Variants in ILKAP observed in about 807,000 individuals in gnomAD.
ILKAP encodes the protein ILK associated serine/threonine phosphatase.
Under a neutral mutation model 49.1 loss-of-function variants are expected in ILKAP, and 11 were observed. The observed-to-expected ratio is 0.22, with a 90% CI of 0.14 to 0.37. The LOEUF is 0.37. ILKAP is among the 10% of genes least tolerant of loss of function. ILKAP has a pLI of 1.00. For synonymous variants in ILKAP, 186 were observed against 192.8 expected, an observed-to-expected ratio of 0.96 and a Z score of 0.29; for missense variants, 363 against 510.8, an observed-to-expected ratio of 0.71 and a Z score of 2.79.
chr2:238,171,546 C>G (rs1366106682), intron 10 of ILKAP, among the ~76,000 whole-genome samples: 1 of 152,198 alleles, frequency 6.6e-6, no homozygotes, highest in African/African-American at 2.4e-5. Flanking sequence ...TGTTATACAT[C>G]AAAACTGAGA....
At chr2:238,176,135 C>CTTTTTTTTT (rs55849458) in intron 9 of ILKAP, among the ~76,000 whole-genome samples, 2 of 98,010 alleles carry the variant, frequency 2.0e-5, no homozygotes, top group Non-Finnish European at 3.7e-5. Flanking sequence ...CAAGTAGTGG[C>CTTTTTTTTT]TTTTTTTTTT....
intron 4 of ILKAP, 137 bp from the exon 5 acceptor site, chr2:238,188,394 C>T: frequency 3.0e-6 from 3 of 998,924 alleles, no homozygotes; most frequent in South Asian, 3.4e-5. Flanking sequence ...TAAGCAATAC[C>T]CCTTAAGGCA....
intron 5 of ILKAP, 117 bp downstream of exon 5, chr2:238,188,014 T>G (rs942173391): frequency 4.7e-5 from 54 of 1,160,096 alleles, no homozygotes; most frequent in Non-Finnish European, 6.6e-5. Flanking sequence ...GAATCACTGA[T>G]GTACAATCAA....
chr2:238,182,229 G>A (rs368040286), intron 8 of ILKAP, 43 bp from the exon 9 acceptor site: 188 of 1,607,528 alleles, frequency 1.2e-4, no homozygotes, highest in Middle Eastern at 1.7e-4. Flanking sequence ...TTCAGTGGGC[G>A]CAGCATCTAA....
chr2:238,188,971 C>T, intron 4 of ILKAP, among the ~76,000 whole-genome samples: 1 of 152,228 alleles, frequency 6.6e-6, no homozygotes, highest in East Asian at 1.9e-4. Context: ...CTGCCTGCAT[C>T]ATACAGCTTT....
chr2:238,202,702 T>C (rs1168038733), intron 1 of ILKAP, among the ~76,000 whole-genome samples: 2 of 151,996 alleles, frequency 1.3e-5, no homozygotes, highest in Non-Finnish European at 2.9e-5. Flanking sequence ...TATTCACGCG[T>C]TTTGACAGAT....
chr2:238,178,317 G>A (rs1162236172), intron 9 of ILKAP, among the ~76,000 whole-genome samples: 1 of 152,156 alleles, frequency 6.6e-6, no homozygotes, highest in East Asian at 1.9e-4. Flanking sequence ...GAGTGGCTGG[G>A]ACCACAGGCG....
At chr2:238,180,831 T>C (rs1416787285) in intron 9 of ILKAP, among the ~76,000 whole-genome samples, 2 of 152,234 alleles carry the variant, frequency 1.3e-5, no homozygotes, top group Non-Finnish European at 2.9e-5. Context: ...TATCCAATTA[T>C]TTTCAAGGAG....
Position 238,194,277 on chromosome 2 carries a change from G to A in ILKAP, c.176C>T (p.Ser59Leu). 1.2e-6 allele frequency: 2 copies of A among 1,613,832 alleles called. No individual in the cohort carries two copies. The highest frequency in any genetic ancestry group is 1.7e-6 in the Non-Finnish European group (2 of 1,179,792). The change falls in exon 3 of 12, where the codon TCA (serine) becomes TTA (leucine). Residue 59 changes from serine to leucine, a missense_variant and splice_region_variant. Physicochemically the swap from Ser to Leu is moderately radical, Grantham distance 145 (BLOSUM62 -2). Around this residue, in one of 3 missense-constraint regions of ILKAP, gnomAD observed 114 missense variants for 116.0 expected, o/e 0.98. Coordinates refer to ENST00000254654, the MANE Select transcript of ILKAP (RefSeq NM_030768.3). ...DDLPPASSGD[S>L]GSLATSISQM... ...CTTGGATTTTTCCTACCACTTACCT[G>A]AATCGCCACTGCTAGCGGGTGGGAG...
intron 1 of ILKAP, among the ~76,000 whole-genome samples, chr2:238,200,654 T>G (rs567768586): frequency 1.1e-4 from 16 of 152,286 alleles, no homozygotes; most frequent in African/African-American, 2.9e-4. Context: ...AAGCCTTGTC[T>G]CTACAAAACA....
intron 10 of ILKAP, among the ~76,000 whole-genome samples, chr2:238,172,043 T>TCTG (rs1011676030): frequency 6.6e-6 from 1 of 152,110 alleles, no homozygotes; most frequent in African/African-American, 2.4e-5. Flanking sequence ...TTCTTTGTTT[T>TCTG]TTGTTGCTGC....
chr2:238,189,089 C>A (rs935570239), intron 4 of ILKAP, among the ~76,000 whole-genome samples: 47 of 151,998 alleles, frequency 3.1e-4, no homozygotes, highest in Non-Finnish European at 6.6e-4. Context: ...GAAGCCGAGG[C>A]GGGCAGATCA....
Position 238,170,706 on chromosome 2 carries a change from G to T in ILKAP, c.1039-30C>A, listed in dbSNP as rs369223932. Reference sequence around the variant, plus strand: ...CAGATGAGAAAGGGAATGAGTGAATGGAGTGACCCCGCACCCTGTCACTTT... The same window carrying T: ...CAGATGAGAAAGGGAATGAGTGAATTGAGTGACCCCGCACCCTGTCACTTT... On this transcript the variant is annotated intron_variant, in intron 11 of 11. Coordinates refer to ENST00000254654, the MANE Select transcript of ILKAP (RefSeq NM_030768.3). 1.2e-5 allele frequency: 19 copies of T among 1,595,336 alleles called. No individual in the cohort carries two copies. The Admixed American group carries it at 2.2e-4, about 18-fold the overall frequency.
chr2:238,193,764 C>T (rs2106339493), intron 3 of ILKAP, among the ~76,000 whole-genome samples: 1 of 152,324 alleles, frequency 6.6e-6, no homozygotes, highest in Non-Finnish European at 1.5e-5. Context: ...CTCTCCTAAC[C>T]CTCACCTTCC....
In ILKAP at chr2:238,185,282, C is replaced by T. The variant is rs1156503008; in HGVS notation, c.431G>A (p.Arg144Gln). 1.3e-6 allele frequency: 2 copies of T among 1,599,816 alleles called. No individual in the cohort carries two copies. Among genetic ancestry groups the T allele is most frequent in the Non-Finnish European group, 1.7e-6 (2 of 1,167,426 alleles). The change falls in exon 6 of 12, where the codon CGG (arginine) becomes CAG (glutamine). Residue 144 changes from arginine to glutamine, a missense_variant. By Grantham distance (43) the Arg-to-Gln change is conservative (BLOSUM62 1). Coordinates refer to ENST00000254654, the MANE Select transcript of ILKAP (RefSeq NM_030768.3). ...ECRPPSSLIT[R>Q]VSYFAVFDGH... is the part of the protein sequence containing the mutation. ...ATCAAAAACAGCAAAATATGAAACC[C>T]GAGTACTGAAAGAACGAATTGAGAG...
At chr2:238,190,647 G>A (rs1694080834) in intron 3 of ILKAP, among the ~76,000 whole-genome samples, 1 of 152,150 alleles carries the variant, frequency 6.6e-6, no homozygotes, top group Non-Finnish European at 1.5e-5. Flanking sequence ...GTCAGGACAA[G>A]TAGGAAGAGC....
intron 4 of ILKAP, among the ~76,000 whole-genome samples, chr2:238,188,799 T>C (rs1694006154): frequency 6.6e-6 from 1 of 152,184 alleles, no homozygotes; most frequent in Admixed American, 6.5e-5. Flanking sequence ...CAGAGATCTA[T>C]TTACATTTAA....
chr2:238,190,575 TG>T (rs1384921238), intron 3 of ILKAP, among the ~76,000 whole-genome samples: 1 of 152,214 alleles, frequency 6.6e-6, no homozygotes, highest in Non-Finnish European at 1.5e-5. Flanking sequence ...CAGTCTCAGC[TG>T]TCTTCACCCG....
chr2:238,196,678 A>C (rs1269233042), intron 1 of ILKAP, among the ~76,000 whole-genome samples: 1 of 152,246 alleles, frequency 6.6e-6, no homozygotes, highest in Non-Finnish European at 1.5e-5. Context: ...TAAGGGAATG[A>C]AATTTCTCCC....
Sources: allele counts gnomAD v4.1 joint callset (sites outside exome capture counted in the v4.1 genomes callset), GRCh38; gene constraint gnomAD v4.1.1; regional missense constraint gnomAD v4.1.1; transcripts MANE v1.5; gene names NCBI Gene and HGNC (gene_info 2026-07-23, HGNC 2026-07-21).